The following CGGBP1 variants were observed in gnomAD, a reference collection of about 807,000 sequenced individuals.
CGGBP1 encodes CGG triplet repeat binding protein 1, also known as CGG triplet repeat-binding protein 1.
CGGBP1 carries 4 observed loss-of-function variants against 11.4 expected under a neutral mutation model. That is an observed-to-expected ratio of 0.35 (90% CI 0.17 to 0.80). The LOEUF (loss-of-function observed/expected upper bound fraction) is 0.80. CGGBP1 is among the 30% of genes least tolerant of loss of function. CGGBP1 has a pLI of 0.52. For missense variants in CGGBP1, 135 were observed against 202.1 expected, an observed-to-expected ratio of 0.67 and a Z score of 2.01; for synonymous variants, 76 against 74.1, an observed-to-expected ratio of 1.03 and a Z score of -0.13.
chr3:88,138,964 G>A (rs1328514488), intron 2 of CGGBP1: 27 of 1,244,816 alleles, frequency 2.2e-5, no homozygotes, highest in Non-Finnish European at 2.5e-5. Context: ...GTTCAAAATC[G>A]TGTTCGTTTT....
At chr3:88,069,076 T>A (rs1279377298) in intron 2 of CGGBP1, among the ~76,000 whole-genome samples, 3 of 152,152 alleles carry the variant, frequency 2.0e-5, no homozygotes, top group Non-Finnish European at 4.4e-5. Flanking sequence ...TGTTCATAAA[T>A]GTGAAACAGA....
intron 2 of CGGBP1, among the ~76,000 whole-genome samples, chr3:88,121,158 T>C (rs1322419143): frequency 6.6e-6 from 1 of 152,140 alleles, no homozygotes; most frequent in Admixed American, 6.5e-5. Context: ...TTTTCCTTTC[T>C]GAATCATGAT....
At chr3:88,076,698 G>T (rs558244484) in intron 2 of CGGBP1, among the ~76,000 whole-genome samples, 2 of 152,154 alleles carry the variant, frequency 1.3e-5, no homozygotes, top group South Asian at 4.2e-4. Context: ...CGTATATTTT[G>T]GGGTTCCCTT....
intron 2 of CGGBP1, among the ~76,000 whole-genome samples, chr3:88,100,511 G>A (rs1218320675): frequency 2.6e-5 from 4 of 152,182 alleles, no homozygotes; most frequent in African/African-American, 9.6e-5. Context: ...CTGCGCACAT[G>A]TATGTTTATT....
intron 2 of CGGBP1, among the ~76,000 whole-genome samples, chr3:88,066,112 C>T (rs1377981938): frequency 6.6e-6 from 1 of 152,144 alleles, no homozygotes; most frequent in Non-Finnish European, 1.5e-5. Context: ...TTCCCCAAAG[C>T]ATGTGAGATG....
At chr3:88,134,858 A>G (rs1354252191) in intron 2 of CGGBP1, among the ~76,000 whole-genome samples, 3 of 152,000 alleles carry the variant, frequency 2.0e-5, no homozygotes, top group African/African-American at 4.8e-5. Flanking sequence ...TTACTACTGT[A>G]TATTTGTGAT....
chr3:88,071,800 G>A (rs1375633273), intron 2 of CGGBP1, among the ~76,000 whole-genome samples: 5 of 151,840 alleles, frequency 3.3e-5, no homozygotes, highest in Non-Finnish European at 5.9e-5. Flanking sequence ...GTGAGACTCC[G>A]TCTCAAAAAA....
intron 3 of CGGBP1, chr3:88,056,268 C>A (rs1706539495): frequency 3.8e-6 from 1 of 263,754 alleles, no homozygotes; most frequent in Non-Finnish European, 7.2e-6. Context: ...CTCAAACTAT[C>A]CCAGATGTCA....
intron 3 of CGGBP1, 53 bp from the exon 4 acceptor site, chr3:88,056,052 A>T: frequency 7.4e-7 from 1 of 1,349,036 alleles, no homozygotes. Flanking sequence ...TTCATTCTGG[A>T]AGTAATGAAC....
intron 2 of CGGBP1, among the ~76,000 whole-genome samples, chr3:88,104,196 G>A (rs1330607548): frequency 6.6e-6 from 1 of 152,188 alleles, no homozygotes; most frequent in Non-Finnish European, 1.5e-5. Flanking sequence ...CCAGATGCTG[G>A]ACAGAAATTT....
At chr3:88,145,896 CAG>C (rs1300160812) in intron 1 of CGGBP1, among the ~76,000 whole-genome samples, 1 of 152,162 alleles carries the variant, frequency 6.6e-6, no homozygotes, top group African/African-American at 2.4e-5. Context: ...TAAAATCATA[CAG>C]CTAATAAATG....
At chr3:88,128,214 T>G (rs1034745938) in intron 2 of CGGBP1, among the ~76,000 whole-genome samples, 3 of 152,128 alleles carry the variant, frequency 2.0e-5, no homozygotes, top group Non-Finnish European at 4.4e-5. Context: ...TTTAAAATTG[T>G]GTAAAGTATT....
At chr3:88,056,714 A>C (rs572050738) in intron 3 of CGGBP1, 2 of 116,860 alleles carry the variant, frequency 1.7e-5, no homozygotes, top group Non-Finnish European at 3.9e-5. Flanking sequence ...ATTAATAATT[A>C]CATTTGTTAA....
chr3:88,122,226 G>C (rs1164856068), intron 2 of CGGBP1, among the ~76,000 whole-genome samples: 2 of 152,170 alleles, frequency 1.3e-5, no homozygotes, highest in Non-Finnish European at 2.9e-5. Context: ...AATGGCATAG[G>C]TAAGAAAAGA....
intron 2 of CGGBP1, among the ~76,000 whole-genome samples, chr3:88,072,977 GTTT>G (rs746555494): frequency 1.1e-4 from 1 of 9,370 alleles, no homozygotes; most frequent in Non-Finnish European, 6.0e-4. Flanking sequence ...AAAATTGTTA[GTTT>G]TAAAATGTAG....
chr3:88,066,979 G>C (rs1016847901), intron 2 of CGGBP1, among the ~76,000 whole-genome samples: 2 of 151,980 alleles, frequency 1.3e-5, no homozygotes, highest in Non-Finnish European at 2.9e-5. Context: ...TTTGGGAGGA[G>C]GTTGAATTGT....
chr3:88,129,863 A>T (rs1395297014), intron 2 of CGGBP1: 1 of 1,373,258 alleles, frequency 7.3e-7, no homozygotes, highest in East Asian at 2.6e-5. Flanking sequence ...AAATGGTAAG[A>T]TGGGCAACAG....
intron 2 of CGGBP1, among the ~76,000 whole-genome samples, chr3:88,092,578 C>A (rs1703808690): frequency 1.3e-5 from 2 of 151,958 alleles, no homozygotes; most frequent in African/African-American, 2.4e-5. Context: ...GTTTAAGGCA[C>A]CTGGATATTA....
At chr3:88,069,379 G>A (rs1421576014) in intron 2 of CGGBP1, among the ~76,000 whole-genome samples, 2 of 152,096 alleles carry the variant, frequency 1.3e-5, no homozygotes, top group East Asian at 3.9e-4. Context: ...TCTAGATGGC[G>A]CCGCTGCACT....
Sources: gnomAD v4.1 joint callset for allele counts (sites outside exome capture counted in the v4.1 genomes callset) on GRCh38, gnomAD v4.1.1 for gene constraint, MANE v1.5 for transcripts, NCBI Gene and HGNC (gene_info 2026-07-23, HGNC 2026-07-21) for gene names.